WDR70: variants seen among roughly 807,000 people sequenced by gnomAD.
WDR70 encodes WD repeat-containing protein 70.
In WDR70, 53 loss-of-function variants were observed where a neutral mutation model predicts 88.6. The observed-to-expected ratio is 0.60, with a 90% CI of 0.48 to 0.75. The LOEUF (loss-of-function observed/expected upper bound fraction) is 0.75, where lower values mean the gene tolerates loss of function less well. WDR70 is among the 30% of genes least tolerant of loss of function. WDR70 has a pLI of 0.00. For missense variants in WDR70, 610 were observed against 823.2 expected (o/e 0.74, Z 3.17); for synonymous variants, 280 against 270.0 (o/e 1.04, Z -0.36).
At chr5:37,467,236 A>AC (rs1739182565) in intron 7 of WDR70, among the ~76,000 whole-genome samples, 1 of 151,490 alleles carries the variant, frequency 6.6e-6, no homozygotes. Context: ...CAAAAAAAAA[A>AC]AAACAAAAAA....
chr5:37,625,956 A>T lies in WDR70; in HGVS notation c.1092+20718A>T, dbSNP rs1377745336. 2.7e-5 allele frequency among the ~76,000 whole-genome samples: 4 copies of T among 149,950 alleles called. No homozygotes were observed. The East Asian group carries it at 7.7e-4, about 29-fold the overall frequency. Reference sequence around the variant, plus strand: ...AAAGGCTACTGATTTTTGTATATTAATTTTGTACCCTACAAATTTACTGAA... The same window carrying T: ...AAAGGCTACTGATTTTTGTATATTATTTTTGTACCCTACAAATTTACTGAA... On this transcript the variant is annotated intron_variant, in intron 10 of 17. Coordinates refer to ENST00000265107, the MANE Select transcript of WDR70 (RefSeq NM_018034.4).
intron 10 of WDR70, among the ~76,000 whole-genome samples, chr5:37,646,058 T>G (rs1046190106): frequency 6.6e-6 from 1 of 152,098 alleles, no homozygotes; most frequent in Non-Finnish European, 1.5e-5. Context: ...CCTTCTTTCT[T>G]TCTTTTAGTG....
intron 13 of WDR70, among the ~76,000 whole-genome samples, chr5:37,716,576 T>C (rs897894176): frequency 6.6e-6 from 1 of 152,086 alleles, no homozygotes; most frequent in Non-Finnish European, 1.5e-5. Context: ...TATGTGCGAG[T>C]TATTATGTGA....
chr5:37,704,538 T>C (rs1355922538), intron 13 of WDR70, among the ~76,000 whole-genome samples: 1 of 152,232 alleles, frequency 6.6e-6, no homozygotes, highest in Non-Finnish European at 1.5e-5. Flanking sequence ...GTGTTACTTT[T>C]ATAGGTAGAT....
chr5:37,686,517 C>T (rs1746604276), intron 10 of WDR70, among the ~76,000 whole-genome samples: 2 of 151,182 alleles, frequency 1.3e-5, no homozygotes, highest in African/African-American at 4.9e-5. Flanking sequence ...CGCTTGAGCC[C>T]AGGAGTTCAT....
chr5:37,520,716 A>G (rs74823016), intron 9 of WDR70, among the ~76,000 whole-genome samples: 1,538 of 152,300 alleles, frequency 0.01, 36 homozygotes, highest in East Asian at 0.069. Flanking sequence ...TGGACATTTG[A>G]TAGAATTTAG....
intron 10 of WDR70, among the ~76,000 whole-genome samples, chr5:37,658,550 A>G (rs962050186): frequency 6.6e-6 from 1 of 151,914 alleles, no homozygotes; most frequent in African/African-American, 2.4e-5. Context: ...CCCCCCTTAA[A>G]TATCATCACC....
At chr5:37,638,822 A>T (rs1187261501) in intron 10 of WDR70, among the ~76,000 whole-genome samples, 1 of 152,194 alleles carries the variant, frequency 6.6e-6, no homozygotes, top group Non-Finnish European at 1.5e-5. Context: ...TTAGAAGGAA[A>T]AGTAATAACT....
In WDR70 at chr5:37,686,084, G is replaced by A. The variant is rs181141219; in HGVS notation, c.1093-11571G>A. On this transcript the variant is annotated intron_variant, in intron 10 of 17. Coordinates refer to ENST00000265107, the MANE Select transcript of WDR70 (RefSeq NM_018034.4). Reference sequence around the variant, plus strand: ...ACTGTGAAGCCTAGGCGGGAAGATCGCTTGAGCCCAGGAGTTCATGACCAG... The same window carrying A: ...ACTGTGAAGCCTAGGCGGGAAGATCACTTGAGCCCAGGAGTTCATGACCAG... 5.5e-4 allele frequency among the ~76,000 whole-genome samples: 84 copies of A among 152,192 alleles called. 1 individual carries two copies. The East Asian group carries it at 9.7e-3, about 17-fold the overall frequency.
chr5:37,597,396 G>C (rs1581423508), intron 9 of WDR70, among the ~76,000 whole-genome samples: 1 of 151,962 alleles, frequency 6.6e-6, no homozygotes, highest in Admixed American at 6.6e-5. Flanking sequence ...TTATAGGTTT[G>C]TAGTAATAGT....
At chr5:37,713,292 C>G (rs1279866469) in intron 13 of WDR70, among the ~76,000 whole-genome samples, 1 of 152,148 alleles carries the variant, frequency 6.6e-6, no homozygotes, top group Non-Finnish European at 1.5e-5. Flanking sequence ...TATCCATTTC[C>G]TAGTATCATT....
chr5:37,483,105 T>TTG (rs1739725500), intron 8 of WDR70, among the ~76,000 whole-genome samples: 1 of 150,836 alleles, frequency 6.6e-6, no homozygotes, highest in African/African-American at 2.4e-5. Flanking sequence ...GTCTCAGTTT[T>TTG]TTTTTTTTTT....
rs866187646 is a variant in WDR70 at position 37,622,694 on chromosome 5, G to A, written c.1092+17456G>A. On this transcript the variant is annotated intron_variant, in intron 10 of 17. Coordinates refer to ENST00000265107, the MANE Select transcript of WDR70 (RefSeq NM_018034.4). ...CTCATAGGTGGGAATTGAACAGTGA[G>A]AACACATGGACACAGGAAGGGGAAC... is the stretch of plus-strand genomic sequence containing the variant. Among the ~76,000 whole-genome samples, 61 of 151,496 alleles carry A rather than the reference G, an allele frequency of 4.0e-4. 1 individual carries two copies. Among genetic ancestry groups the A allele is most frequent in the African/African-American group, 1.5e-3 (60 of 41,356 alleles).
At chr5:37,716,009 A>C (rs10069946) in intron 13 of WDR70, among the ~76,000 whole-genome samples, 4,914 of 152,202 alleles carry the variant, frequency 0.032, 276 homozygotes, top group African/African-American at 0.11. Context: ...AAGTCTGCAA[A>C]ATTGTGTAAC....
intron 7 of WDR70, among the ~76,000 whole-genome samples, chr5:37,470,495 A>G (rs1343396107): frequency 6.6e-6 from 1 of 152,204 alleles, no homozygotes; most frequent in African/African-American, 2.4e-5. Context: ...TTTACCAGAT[A>G]TTACCCACAA....
At chr5:37,634,760 T>A (rs1343856879) in intron 10 of WDR70, among the ~76,000 whole-genome samples, 1 of 152,106 alleles carries the variant, frequency 6.6e-6, no homozygotes, top group Non-Finnish European at 1.5e-5. Context: ...ATATAAGGAA[T>A]TTAGGATGAG....
At chr5:37,501,456 G>T (rs1740403018) in intron 8 of WDR70, among the ~76,000 whole-genome samples, 1 of 152,028 alleles carries the variant, frequency 6.6e-6, no homozygotes, top group South Asian at 2.1e-4. Context: ...AAAAAGAATT[G>T]TCTTGGGACA....
At chr5:37,703,269 C>T (rs1747218406) in intron 13 of WDR70, among the ~76,000 whole-genome samples, 182 bp downstream of exon 13, 1 of 152,042 alleles carries the variant, frequency 6.6e-6, no homozygotes, top group African/African-American at 2.4e-5. Context: ...CTATCCCTTT[C>T]CACAACCCAA....
intron 10 of WDR70, among the ~76,000 whole-genome samples, chr5:37,633,578 C>A (rs1346992023): frequency 1.3e-5 from 2 of 151,648 alleles, no homozygotes; most frequent in Non-Finnish European, 2.9e-5. Flanking sequence ...GCAGAGGAAG[C>A]TTTCTAAATG....
Sources: gnomAD v4.1 joint callset for allele counts (sites outside exome capture counted in the v4.1 genomes callset) on GRCh38, gnomAD v4.1.1 for gene constraint, MANE v1.5 for transcripts, NCBI Gene and HGNC (gene_info 2026-07-23, HGNC 2026-07-21) for gene names.